MBD5: variants seen among roughly 807,000 people sequenced by gnomAD.
MBD5 encodes methyl-CpG binding domain protein 5.
In MBD5, 13 loss-of-function variants were observed where a neutral mutation model predicts 117.3. The observed-to-expected ratio is 0.11, with a 90% CI of 0.07 to 0.18. MBD5 has a LOEUF of 0.18. Ranked by LOEUF, MBD5 falls within the 10% of genes least tolerant of loss-of-function variation. The pLI is 1.00. For synonymous variants in MBD5, 727 were observed against 766.4 expected, an observed-to-expected ratio of 0.95 and a Z score of 0.85; for missense variants, 1,879 against 2,093.8, an observed-to-expected ratio of 0.90 and a Z score of 2.00.
intron 2 of MBD5, among the ~76,000 whole-genome samples, chr2:148,195,824 A>G (rs1698970641): frequency 6.6e-6 from 1 of 152,230 alleles, no homozygotes; most frequent in African/African-American, 2.4e-5. Flanking sequence ...CAGAGAAATT[A>G]GAAAATATCT....
At chr2:148,365,390 A>G (rs968711023) in intron 4 of MBD5, among the ~76,000 whole-genome samples, 8 of 152,246 alleles carry the variant, frequency 5.3e-5, no homozygotes, top group African/African-American at 1.7e-4. Flanking sequence ...AAAGCAGGAA[A>G]GATCTAAAAC....
chr2:148,176,213 G>GTT (rs1184017297), intron 1 of MBD5, among the ~76,000 whole-genome samples: 1 of 150,144 alleles, frequency 6.7e-6, no homozygotes, highest in Non-Finnish European at 1.5e-5. Flanking sequence ...CTAAAGTATA[G>GTT]TTTTCTTTTC....
chr2:148,420,149 T>C (rs909595290), intron 4 of MBD5, among the ~76,000 whole-genome samples: 1 of 152,204 alleles, frequency 6.6e-6, no homozygotes, highest in African/African-American at 2.4e-5. Flanking sequence ...ACTTTTTTTA[T>C]TATACTTTTC....
chr2:148,067,295 C>A (rs1695228058), intron 1 of MBD5, among the ~76,000 whole-genome samples: 1 of 152,140 alleles, frequency 6.6e-6, no homozygotes, highest in South Asian at 2.1e-4. Context: ...ATTTTGAACT[C>A]CAATTAACAG....
At chr2:148,112,779 C>T (rs1410001895) in intron 1 of MBD5, among the ~76,000 whole-genome samples, 1 of 152,046 alleles carries the variant, frequency 6.6e-6, no homozygotes, top group African/African-American at 2.4e-5. Context: ...AAAATTCAAT[C>T]TGGACTCAGA....
At chr2:148,471,600 G>A (rs1354444837) in intron 8 of MBD5, 1 of 152,036 alleles carries the variant, frequency 6.6e-6, no homozygotes, top group Non-Finnish European at 1.5e-5. Context: ...GATAGTAAAA[G>A]CGTTTTCCTT....
rs543223595 is a variant in MBD5 at position 148,337,672 on chromosome 2, A to G, written c.-679-4542A>G. 1.1e-3 allele frequency among the ~76,000 whole-genome samples: 153 copies of G among 138,200 alleles called. 1 individual carries two copies. The highest frequency in any genetic ancestry group is 3.8e-3 in the African/African-American group (139 of 36,276). 90.7% of individuals were successfully genotyped at this position (138,200 alleles called of 152,430 possible). A position where few individuals can be genotyped will look rare whatever the true frequency, so the allele number is the denominator to read the frequency against. On this transcript the variant is annotated intron_variant, in intron 3 of 13. Transcript: ENST00000642680. ...TTTAAAATTCTATGTCATGTGAATAACCTATTAAAAAAAATAGATACCAGA... is the reference window on the plus strand; with the variant it reads ...TTTAAAATTCTATGTCATGTGAATAGCCTATTAAAAAAAATAGATACCAGA...
intron 3 of MBD5, among the ~76,000 whole-genome samples, chr2:148,317,091 G>A (rs1345062668): frequency 6.6e-6 from 1 of 152,210 alleles, no homozygotes; most frequent in Non-Finnish European, 1.5e-5. Context: ...GCTCACACCT[G>A]TAATCCCAGC....
At chr2:148,324,903 G>A (rs1702400623) in intron 3 of MBD5, among the ~76,000 whole-genome samples, 3 of 152,120 alleles carry the variant, frequency 2.0e-5, no homozygotes, top group Admixed American at 2.0e-4. Context: ...GGGAATCCCT[G>A]TCTTGTGCCT....
At chr2:148,322,780 A>G (rs1283514020) in intron 3 of MBD5, among the ~76,000 whole-genome samples, 2 of 152,174 alleles carry the variant, frequency 1.3e-5, no homozygotes, top group South Asian at 4.1e-4. Context: ...CAAAAGTTAT[A>G]TATATAACTT....
intron 1 of MBD5, 63 bp from the exon 2 acceptor site, chr2:148,178,637 A>T (rs1327366989): frequency 2.5e-6 from 1 of 395,070 alleles, no homozygotes; most frequent in Non-Finnish European, 4.5e-6. Context: ...TTTTATATTT[A>T]AACTAAATGA....
At chr2:148,354,047 G>T (rs1283415453) in intron 4 of MBD5, among the ~76,000 whole-genome samples, 1 of 151,826 alleles carries the variant, frequency 6.6e-6, no homozygotes, top group African/African-American at 2.4e-5. Flanking sequence ...TTCATTATCA[G>T]GTCTTTCATT....
intron 1 of MBD5, among the ~76,000 whole-genome samples, chr2:148,137,880 A>G (rs74554220): frequency 0.012 from 1,868 of 152,286 alleles, 44 homozygotes; most frequent in African/African-American, 0.043. Flanking sequence ...CCTAGGAGCA[A>G]TGGGCTGTGT....
At chr2:148,388,840 TTCAAA>T (rs1183709098) in intron 4 of MBD5, among the ~76,000 whole-genome samples, 8 of 152,126 alleles carry the variant, frequency 5.3e-5, no homozygotes, top group Admixed American at 2.0e-4. Context: ...ATTATAATTA[TTCAAA>T]ATTATTATAA....
chr2:148,217,466 C>A (rs1055322600), intron 2 of MBD5, among the ~76,000 whole-genome samples: 6 of 152,182 alleles, frequency 3.9e-5, no homozygotes, highest in South Asian at 2.1e-4. Flanking sequence ...TTGTCTTCCA[C>A]CTTGGGCTTT....
Position 148,490,052 on chromosome 2 carries a change from C to T in MBD5, c.4420C>T (p.Pro1474Ser). The change falls in exon 11 of 14, where the codon CCT (proline) becomes TCT (serine). Residue 1474 changes from proline to serine, a missense_variant. By Grantham distance (74) the Pro-to-Ser change is moderately conservative (BLOSUM62 -1). Transcript: ENST00000642680. ...PNNVSTLPFL[P>S]GEQHPILLPP... is the part of the protein sequence containing the mutation. The stretch of plus-strand genomic sequence containing the variant: ...CAATGTCTCTACACTGCCATTTCTG[C>T]CTGGGGAACAGCACCCAATACTGTT... 1 of 1,613,876 alleles carries T rather than the reference C, an allele frequency of 6.2e-7. No homozygotes were observed. The highest frequency in any genetic ancestry group is 1.6e-4 in the Middle Eastern group (1 of 6,062).
intron 1 of MBD5, among the ~76,000 whole-genome samples, chr2:148,033,319 A>G (rs1694093422): frequency 6.6e-6 from 1 of 152,220 alleles, no homozygotes; most frequent in Admixed American, 6.5e-5. Context: ...AGAAGTGATT[A>G]TAAATTGCTC....
intron 4 of MBD5, among the ~76,000 whole-genome samples, chr2:148,378,958 A>C (rs889813492): frequency 2.0e-5 from 3 of 152,080 alleles, no homozygotes; most frequent in African/African-American, 7.2e-5. Flanking sequence ...GATTTTTTAA[A>C]TGACACAGAA....
intron 1 of MBD5, among the ~76,000 whole-genome samples, chr2:148,059,623 G>A (rs1267900726): frequency 1.3e-5 from 2 of 152,018 alleles, no homozygotes; most frequent in South Asian, 2.1e-4. Flanking sequence ...CGAGGCGGGC[G>A]GATCACGAGG....
Sources: gnomAD v4.1 joint callset for allele counts (sites outside exome capture counted in the v4.1 genomes callset) on GRCh38, gnomAD v4.1.1 for gene constraint, MANE v1.5 for transcripts, NCBI Gene and HGNC (gene_info 2026-07-23, HGNC 2026-07-21) for gene names.